The following SMPD3 variants were observed in gnomAD, a reference collection of about 807,000 sequenced individuals.
SMPD3 encodes the protein sphingomyelin phosphodiesterase 3.
In SMPD3, 21 loss-of-function variants were observed where a neutral mutation model predicts 55.7. The observed-to-expected ratio is 0.38, with a 90% CI of 0.27 to 0.54. SMPD3 has a LOEUF of 0.54. Among genes scored for constraint, SMPD3 ranks in the 20% least tolerant of loss-of-function variants. SMPD3 has a pLI of 0.80. For synonymous variants in SMPD3, 457 were observed against 404.3 expected (o/e 1.13, Z -1.56); for missense variants, 842 against 899.6 (o/e 0.94, Z 0.82).
At chr16:68,446,892 G>A (rs2090614253) in intron 1 of SMPD3, among the ~76,000 whole-genome samples, 2 of 152,210 alleles carry the variant, frequency 1.3e-5, no homozygotes, top group African/African-American at 2.4e-5. Context: ...TGGGTGCCTG[G>A]CTGGCCTTAG....
At chr16:68,409,950 AC>A (rs905189230) in intron 1 of SMPD3, among the ~76,000 whole-genome samples, 16 of 152,286 alleles carry the variant, frequency 1.1e-4, no homozygotes, top group African/African-American at 3.6e-4. Flanking sequence ...CTTCCCTCAG[AC>A]CGTCACCTAC....
At chr16:68,441,721 T>A (rs199973141) in intron 1 of SMPD3, among the ~76,000 whole-genome samples, 6 of 152,102 alleles carry the variant, frequency 3.9e-5, no homozygotes, top group Non-Finnish European at 5.9e-5. Context: ...CTACTTTTCC[T>A]ATTTTTTTCT....
intron 1 of SMPD3, among the ~76,000 whole-genome samples, chr16:68,390,331 T>C (rs1197256688): frequency 6.6e-6 from 1 of 152,208 alleles, no homozygotes; most frequent in Admixed American, 6.5e-5. Flanking sequence ...GTGACCTGTA[T>C]CTTGTGCTGA....
Position 68,361,153 on chromosome 16 carries a change from A to G in SMPD3, c.*53T>C, listed in dbSNP as rs1597577307. On this transcript the variant is annotated 3_prime_UTR_variant, in exon 9 of 9. Coordinates refer to ENST00000219334, the MANE Select transcript of SMPD3 (RefSeq NM_018667.4). ...GCACTCGATGGAGGGGACATGGCCC[A>G]GGGATGGGCTGCAGCTGCAAGGGCT... 1.3e-6 allele frequency: 2 copies of G among 1,538,266 alleles called. No homozygotes were observed. Among genetic ancestry groups the G allele is most frequent in the Non-Finnish European group, 1.8e-6 (2 of 1,119,498 alleles).
chr16:68,404,973 C>T lies in SMPD3; in HGVS notation c.-268-18314G>A, dbSNP rs542408202. 6.6e-6 allele frequency among the ~76,000 whole-genome samples: 1 copy of T among 152,330 alleles called. No homozygotes were observed. Among genetic ancestry groups the T allele is most frequent in the African/African-American group, 2.4e-5 (1 of 41,566 alleles). ...GCGGATGTAGGACCTGGCTCTTATC[C>T]GGGCATTTGGTAACTCGAGGAAAAT... On this transcript the variant is annotated intron_variant, in intron 1 of 8. Coordinates refer to ENST00000219334, the MANE Select transcript of SMPD3 (RefSeq NM_018667.4). This position sits in a 1 kb window ranked among gnomAD's most constrained non-coding sequence, Gnocchi z 4.0.
At chr16:68,382,174 C>G (rs1470963411) in intron 2 of SMPD3, 4 of 152,248 alleles carry the variant, frequency 2.6e-5, no homozygotes, top group Admixed American at 1.3e-4. Context: ...AATCCGTAGA[C>G]GTGGAGAAGT....
chr16:68,409,211 C>T (rs775060100), intron 1 of SMPD3, among the ~76,000 whole-genome samples: 1 of 152,256 alleles, frequency 6.6e-6, no homozygotes, highest in Non-Finnish European at 1.5e-5. Context: ...TTTTGTGTTT[C>T]ATCATCTTGC....
intron 1 of SMPD3, among the ~76,000 whole-genome samples, chr16:68,391,896 T>C (rs1449930806): frequency 2.0e-5 from 3 of 152,218 alleles, no homozygotes; most frequent in African/African-American, 7.2e-5. Flanking sequence ...TCAACTTTTC[T>C]TTTTTTCTTT....
chr16:68,382,960 T>A (rs2151997694), intron 2 of SMPD3, among the ~76,000 whole-genome samples: 1 of 152,326 alleles, frequency 6.6e-6, no homozygotes, highest in Non-Finnish European at 1.5e-5. Context: ...TTCTCCTGCC[T>A]CGGCCTCCCG....
chr16:68,383,882 T>G (rs937893606), intron 2 of SMPD3, among the ~76,000 whole-genome samples: 1 of 152,176 alleles, frequency 6.6e-6, no homozygotes, highest in African/African-American at 2.4e-5. Context: ...CTCACAATTC[T>G]GCCCCCTAGT....
At chr16:68,379,608 C>T (rs1461718438) in intron 2 of SMPD3, among the ~76,000 whole-genome samples, 8 of 152,156 alleles carry the variant, frequency 5.3e-5, no homozygotes, top group Non-Finnish European at 5.9e-5. Context: ...GTGCAGGGGA[C>T]GACGTCAGGG....
rs556030015 is a variant in SMPD3, at chr16:68,361,995, C to T, written c.1710-236G>A. Reference sequence around the variant, plus strand: ...CCGGAGCCCGTCGAAGTGTTCTGTCCGCCCCAGCCTGGCCAGCACTCACTT... The same window carrying T: ...CCGGAGCCCGTCGAAGTGTTCTGTCTGCCCCAGCCTGGCCAGCACTCACTT... On this transcript the variant is annotated intron_variant, in intron 7 of 8. Coordinates refer to ENST00000219334, the MANE Select transcript of SMPD3 (RefSeq NM_018667.4). Among the ~76,000 whole-genome samples the T allele has an allele frequency of 1.1e-4, 16 of 152,336 alleles. No individual in the cohort carries two copies. In the South Asian group the frequency reaches 2.5e-3, roughly 24 times the overall value.
intron 1 of SMPD3, among the ~76,000 whole-genome samples, chr16:68,389,212 T>C (rs1349248849): frequency 6.6e-6 from 1 of 152,074 alleles, no homozygotes; most frequent in African/African-American, 2.4e-5. Context: ...GGGGCGGGTG[T>C]GGAAAGTGGG....
chr16:68,390,168 G>A (rs965889020), intron 1 of SMPD3, among the ~76,000 whole-genome samples: 12 of 152,334 alleles, frequency 7.9e-5, no homozygotes, highest in Admixed American at 5.9e-4. Context: ...AACTGTCACG[G>A]CGCTGGTGGG....
At chr16:68,427,725 G>A (rs1217043157) in intron 1 of SMPD3, among the ~76,000 whole-genome samples, 1 of 150,764 alleles carries the variant, frequency 6.6e-6, no homozygotes, top group Non-Finnish European at 1.5e-5. Context: ...TTGGGTCACA[G>A]GAGTGGGATG....
chr16:68,383,308 C>A (rs1035665040), intron 2 of SMPD3, among the ~76,000 whole-genome samples: 1 of 152,168 alleles, frequency 6.6e-6, no homozygotes, highest in African/African-American at 2.4e-5. Context: ...GGATGGCAAC[C>A]CACCTGAGGC....
At chr16:68,408,096 A>C (rs1381604863) in intron 1 of SMPD3, among the ~76,000 whole-genome samples, 1 of 152,210 alleles carries the variant, frequency 6.6e-6, no homozygotes, top group East Asian at 1.9e-4. Flanking sequence ...TTTATCTTTG[A>C]GCTTCCTAGA....
chr16:68,420,162 C>T (rs1157634784), intron 1 of SMPD3, among the ~76,000 whole-genome samples: 1 of 151,986 alleles, frequency 6.6e-6, no homozygotes, highest in Non-Finnish European at 1.5e-5. Flanking sequence ...AGGCTGGTAC[C>T]GAACTCCTGA....
chr16:68,399,806 C>T (rs1307525683), intron 1 of SMPD3, among the ~76,000 whole-genome samples: 1 of 152,198 alleles, frequency 6.6e-6, no homozygotes, highest in Non-Finnish European at 1.5e-5. Flanking sequence ...CAGTAGTGAT[C>T]ATGTCCAGAG....
Sources: gnomAD v4.1 joint callset for allele counts (sites outside exome capture counted in the v4.1 genomes callset) on GRCh38, gnomAD v4.1.1 for gene constraint, Gnocchi (gnomAD v3.1) non-coding constraint, MANE v1.5 for transcripts, NCBI Gene and HGNC (gene_info 2026-07-23, HGNC 2026-07-21) for gene names.